ROBO2: variants seen among roughly 807,000 people sequenced by gnomAD.
ROBO2 encodes the protein roundabout homolog 2.
A neutral mutation model predicts 160.8 loss-of-function variants in ROBO2; 53 were observed. That is an observed-to-expected ratio of 0.33 (90% CI 0.26 to 0.41). ROBO2 has a LOEUF of 0.41. ROBO2 is among the 10% of genes least tolerant of loss of function. The pLI, the probability that ROBO2 is intolerant of heterozygous loss-of-function variation, is 1.00. For missense variants in ROBO2, 1,577 were observed against 1,722.4 expected, an observed-to-expected ratio of 0.92 and a Z score of 1.49; for synonymous variants, 664 against 611.7, an observed-to-expected ratio of 1.09 and a Z score of -1.26.
intron 2 of ROBO2, among the ~76,000 whole-genome samples, chr3:76,360,321 C>T (rs2075433511): frequency 6.6e-6 from 1 of 151,938 alleles, no homozygotes; most frequent in South Asian, 2.1e-4. Context: ...GTTTGTACCC[C>T]CTGTCATGAA....
At chr3:77,367,486 A>G (rs923919310) in intron 2 of ROBO2, among the ~76,000 whole-genome samples, 3 of 152,134 alleles carry the variant, frequency 2.0e-5, no homozygotes, top group African/African-American at 7.2e-5. Flanking sequence ...AGAATGGATC[A>G]TAACCGGACT....
chr3:76,620,849 AACT>A (rs2089012620), intron 2 of ROBO2, among the ~76,000 whole-genome samples: 1 of 152,192 alleles, frequency 6.6e-6, no homozygotes, highest in Admixed American at 6.5e-5. Context: ...AATACTCTCT[AACT>A]ATTGGAGTAG....
rs1335227247 is a variant in ROBO2, at chr3:77,211,207, A to G, written c.388+112867A>G. ...TGAACTAGTTTACAGTCCCACCAAC[A>G]GTGTAAAAGTGTTCCTATTTCTCCA... On this transcript the variant is annotated intron_variant, in intron 2 of 25. Transcript: ENST00000461745. Among the ~76,000 whole-genome samples the G allele has an allele frequency of 3.9e-5, 6 of 152,328 alleles. No homozygotes were observed. In the East Asian group the frequency reaches 9.7e-4, roughly 25 times the overall value.
chr3:75,983,453 T>C (rs1004539255), intron 2 of ROBO2, among the ~76,000 whole-genome samples: 2 of 151,412 alleles, frequency 1.3e-5, no homozygotes, highest in East Asian at 1.9e-4. Context: ...GATAAACTTA[T>C]GTGGTGTACG....
intron 2 of ROBO2, among the ~76,000 whole-genome samples, chr3:76,255,293 T>C (rs1029688070): frequency 6.6e-6 from 1 of 152,148 alleles, no homozygotes; most frequent in Non-Finnish European, 1.5e-5. Context: ...TTTTAGGGTT[T>C]TAGCCCTATC....
intron 2 of ROBO2, among the ~76,000 whole-genome samples, chr3:76,735,992 T>C (rs1476987690): frequency 6.6e-6 from 1 of 151,600 alleles, no homozygotes; most frequent in African/African-American, 2.4e-5. Context: ...TTTAAAATAA[T>C]CCCTACAAAG....
intron 2 of ROBO2, among the ~76,000 whole-genome samples, chr3:76,016,955 G>T (rs2066422886): frequency 6.6e-6 from 1 of 152,082 alleles, no homozygotes; most frequent in Non-Finnish European, 1.5e-5. Context: ...GAGGCACTTT[G>T]TATTAGAGCT....
chr3:77,433,372 T>C (rs1468714992), intron 2 of ROBO2, among the ~76,000 whole-genome samples: 1 of 151,350 alleles, frequency 6.6e-6, no homozygotes, highest in Non-Finnish European at 1.5e-5. Context: ...TCTATTATTC[T>C]ATGTTATGCT....
intron 2 of ROBO2, among the ~76,000 whole-genome samples, chr3:76,146,697 G>GGTGTGTGTGTGTGTGTGT (rs139527329): frequency 7.3e-6 from 1 of 136,440 alleles, no homozygotes; most frequent in African/African-American, 2.7e-5. Flanking sequence ...GATTACATAG[G>GGTGTGTGTGTGTGTGTGT]GTGTGTGTGT....
chr3:77,551,998 G>T (rs987154817), intron 8 of ROBO2, among the ~76,000 whole-genome samples: 1 of 152,000 alleles, frequency 6.6e-6, no homozygotes, highest in East Asian at 1.9e-4. Context: ...GTCGTTAATG[G>T]CTGCACCTGC....
chr3:76,686,466 C>T (rs2092687884), intron 2 of ROBO2, among the ~76,000 whole-genome samples: 1 of 148,636 alleles, frequency 6.7e-6, no homozygotes, highest in African/African-American at 2.6e-5. Flanking sequence ...GCTCATGGTT[C>T]CTGCTAAGGA....
chr3:77,040,344 G>A, exon 1 of ROBO2: 1 of 999,964 alleles, frequency 1.0e-6, no homozygotes, highest in Non-Finnish European at 1.2e-6. Context: ...AAACCAGTAG[G>A]CAGGCCAATG....
chr3:76,722,593 C>T lies in ROBO2; in HGVS notation c.110-375421C>T, dbSNP rs528295426. Among the ~76,000 whole-genome samples the T allele has an allele frequency of 7.9e-5, 12 of 152,192 alleles. No homozygotes were observed. In the South Asian group the frequency reaches 2.5e-3, roughly 32 times the overall value. Reference sequence around the variant, plus strand: ...AAATGAAACCTGGTGTTTATTAGCACTCACTACCCATTCTCTCTCCCTACA... The same window carrying T: ...AAATGAAACCTGGTGTTTATTAGCATTCACTACCCATTCTCTCTCCCTACA... On this transcript the variant is annotated intron_variant, in intron 2 of 26. Coordinates refer to the ROBO2 transcript ENST00000487694.
chr3:77,034,479 C>A (rs563426584), intron 2 of ROBO2, among the ~76,000 whole-genome samples: 1 of 151,392 alleles, frequency 6.6e-6, no homozygotes, highest in South Asian at 2.1e-4. Context: ...GGAAGAAAAT[C>A]AGAATCTGCT....
rs569907506 is a variant in ROBO2 at position 75,997,882 on chromosome 3, A to G, written c.109+60280A>G. 2.8e-4 allele frequency among the ~76,000 whole-genome samples: 42 copies of G among 152,286 alleles called. 1 individual carries two copies. In the South Asian group the frequency reaches 8.3e-3, roughly 30 times the overall value. The stretch of plus-strand genomic sequence containing the variant: ...ACTTCCATAACTGTGGAGTCTACCC[A>G]GTAACCAATATCTGTAATGGTATTA... On this transcript the variant is annotated intron_variant, in intron 2 of 26. Transcript: ENST00000487694.
At chr3:76,841,736 CG>C (rs1394583337) in intron 2 of ROBO2, among the ~76,000 whole-genome samples, 33 of 152,194 alleles carry the variant, frequency 2.2e-4, no homozygotes, top group Admixed American at 1.6e-3. Flanking sequence ...ATTTATTAGC[CG>C]CTTCTAAATC....
At chr3:77,586,521 G>C (rs1269097201) in intron 16 of ROBO2, among the ~76,000 whole-genome samples, 1 of 151,956 alleles carries the variant, frequency 6.6e-6, no homozygotes, top group African/African-American at 2.4e-5. Context: ...AAGAACAATG[G>C]AGCATTACAG....
At position 76,014,353 on chromosome 3, in the gene ROBO2, T is replaced by TG. The variant is rs199550015; in HGVS notation, c.109+76753dup. On this transcript the variant is annotated intron_variant, in intron 2 of 26. Transcript: ENST00000487694. ...AATATGTATAAAGGCAATTGGCGGC[T>TG]GGCACGGTGGTTTATGCGTGTAATC... is the stretch of plus-strand genomic sequence containing the variant. Among the ~76,000 whole-genome samples, 308 of 116,668 alleles carry TG rather than the reference T, an allele frequency of 2.6e-3. 106 individuals are homozygous for TG. Among genetic ancestry groups the TG allele is most frequent in the Non-Finnish European group, 4.0e-3 (194 of 48,812 alleles). 76.5% of individuals were successfully genotyped at this position (116,668 alleles called of 152,430 possible).
intron 2 of ROBO2, among the ~76,000 whole-genome samples, chr3:76,980,562 A>G (rs1455141690): frequency 6.6e-6 from 1 of 152,200 alleles, no homozygotes; most frequent in Admixed American, 6.5e-5. Flanking sequence ...TACAAGTAAA[A>G]TAAAATATCT....
Sources: allele counts gnomAD v4.1 joint callset (sites outside exome capture counted in the v4.1 genomes callset), GRCh38; gene constraint gnomAD v4.1.1; transcripts MANE v1.5; gene names NCBI Gene and HGNC (gene_info 2026-07-23, HGNC 2026-07-21).